PTPRO: variants seen among roughly 807,000 people sequenced by gnomAD.
The protein encoded by PTPRO is protein tyrosine phosphatase receptor type O, also known as receptor-type tyrosine-protein phosphatase O.
A neutral mutation model predicts 145.2 loss-of-function variants in PTPRO; 62 were observed. The ratio of observed to expected loss-of-function variants is 0.43; its 90% CI spans 0.35 to 0.53. The LOEUF (loss-of-function observed/expected upper bound fraction) is 0.53. Among genes scored for constraint, PTPRO ranks in the 20% least tolerant of loss-of-function variants. The pLI, the probability that PTPRO is intolerant of heterozygous loss-of-function variation, is 0.01. For missense variants in PTPRO, 1,345 were observed against 1,482.7 expected (o/e 0.91, Z 1.53); for synonymous variants, 565 against 514.7 (o/e 1.10, Z -1.32).
At chr12:15,452,246 G>T (rs565180056) in intron 1 of PTPRO, among the ~76,000 whole-genome samples, 1 of 152,226 alleles carries the variant, frequency 6.6e-6, no homozygotes, top group African/African-American at 2.4e-5. Context: ...AAACCTGGAG[G>T]AGATGGATAA....
At chr12:15,351,476 C>T (rs1043253997) in intron 1 of PTPRO, among the ~76,000 whole-genome samples, 1 of 151,958 alleles carries the variant, frequency 6.6e-6, no homozygotes, top group East Asian at 1.9e-4. Flanking sequence ...GGAGAGACAA[C>T]CAGCATATGA....
At chr12:15,416,008 T>C (rs913615158) in intron 1 of PTPRO, among the ~76,000 whole-genome samples, 4 of 151,872 alleles carry the variant, frequency 2.6e-5, no homozygotes, top group Admixed American at 2.6e-4. Context: ...TTAGATAACT[T>C]AGAATGGGAC....
In PTPRO at chr12:15,551,636, C is replaced by G; in HGVS notation, c.2523C>G (p.Leu841=). The G allele has an allele frequency of 6.2e-7, 1 of 1,613,640 alleles. No homozygotes were observed. The highest frequency in any genetic ancestry group is 8.5e-7 in the Non-Finnish European group (1 of 1,179,716). The change falls in exon 15 of 27, where the codon CTC becomes CTG. Residue 841 remains leucine, a synonymous_variant. Transcript: ENST00000281171. ...TAATTGGACTGTTGCTTGTTACCCT[C>G]ATTATTCTTAGGAAAAAGCATCTGC... ...TLLIGLLLVT[L]IILRKKHLQM...
At chr12:15,574,328 T>A (rs1033832627) in intron 19 of PTPRO, among the ~76,000 whole-genome samples, 2 of 152,238 alleles carry the variant, frequency 1.3e-5, no homozygotes, top group Admixed American at 1.3e-4. Flanking sequence ...CCTCATTTTT[T>A]ACATTTCACA....
chr12:15,484,651 G>C (rs1178251424), intron 2 of PTPRO, among the ~76,000 whole-genome samples: 1 of 151,934 alleles, frequency 6.6e-6, no homozygotes, highest in Non-Finnish European at 1.5e-5. Context: ...TATTTAACCT[G>C]CTCAAATTCA....
chr12:15,453,937 C>T (rs1470188138), intron 1 of PTPRO, among the ~76,000 whole-genome samples: 1 of 152,124 alleles, frequency 6.6e-6, no homozygotes, highest in Non-Finnish European at 1.5e-5. Flanking sequence ...AATAATAACC[C>T]ATTATATGCA....
At chr12:15,461,275 G>A (rs976728141) in intron 1 of PTPRO, among the ~76,000 whole-genome samples, 2 of 152,076 alleles carry the variant, frequency 1.3e-5, no homozygotes, top group African/African-American at 2.4e-5. Flanking sequence ...CTGTAAGCTG[G>A]AAGCACAAGC....
At chr12:15,348,196 T>C (rs1334484057) in intron 1 of PTPRO, 3 of 152,204 alleles carry the variant, frequency 2.0e-5, no homozygotes, top group Non-Finnish European at 4.4e-5. Context: ...TCCAATCACC[T>C]AGTTCCTTAA....
chr12:15,437,803 A>G (rs868019141), intron 1 of PTPRO, among the ~76,000 whole-genome samples: 17 of 152,200 alleles, frequency 1.1e-4, no homozygotes, highest in Admixed American at 3.9e-4. Context: ...GGTGCCTGGT[A>G]GCCACCCACT....
At chr12:15,430,922 T>C (rs1187432547) in intron 1 of PTPRO, among the ~76,000 whole-genome samples, 2 of 152,212 alleles carry the variant, frequency 1.3e-5, no homozygotes, top group Non-Finnish European at 2.9e-5. Context: ...GAAATAATGC[T>C]AAAGAAGACT....
At chr12:15,483,326 GT>G (rs1041017506) in intron 1 of PTPRO, among the ~76,000 whole-genome samples, 3 of 152,104 alleles carry the variant, frequency 2.0e-5, no homozygotes, top group African/African-American at 7.2e-5. Context: ...TTGGAGCAAA[GT>G]TTTTAAAAAG....
chr12:15,574,033 T>C (rs971253282), intron 19 of PTPRO, among the ~76,000 whole-genome samples: 4 of 152,238 alleles, frequency 2.6e-5, no homozygotes, highest in African/African-American at 9.6e-5. Flanking sequence ...TGCCTAGTAT[T>C]TGTATTCATT....
At chr12:15,479,580 C>T (rs1941734531) in intron 1 of PTPRO, among the ~76,000 whole-genome samples, 1 of 152,162 alleles carries the variant, frequency 6.6e-6, no homozygotes, top group Non-Finnish European at 1.5e-5. Flanking sequence ...GGGCAAAGCC[C>T]ATCTCATCTC....
chr12:15,508,064 G>C (rs1942359233), intron 6 of PTPRO, among the ~76,000 whole-genome samples: 1 of 152,122 alleles, frequency 6.6e-6, no homozygotes, highest in African/African-American at 2.4e-5. Flanking sequence ...TTCTTTAATT[G>C]AGCCAGCCTG....
intron 1 of PTPRO, among the ~76,000 whole-genome samples, chr12:15,438,850 C>T (rs1226724714): frequency 6.6e-6 from 1 of 152,122 alleles, no homozygotes; most frequent in African/African-American, 2.4e-5. Context: ...ACAAGACATT[C>T]AGAGAATACC....
chr12:15,381,623 G>T (rs1195056081), intron 1 of PTPRO, among the ~76,000 whole-genome samples: 1 of 152,066 alleles, frequency 6.6e-6, no homozygotes, highest in Non-Finnish European at 1.5e-5. Flanking sequence ...CAGCTTTATG[G>T]TGGAAAGGGA....
intron 12 of PTPRO, among the ~76,000 whole-genome samples, chr12:15,535,577 C>T (rs1943050694): frequency 2.0e-5 from 3 of 152,208 alleles, no homozygotes. Flanking sequence ...GTGCTATGTC[C>T]TCATTTGAAC....
At chr12:15,361,675 TA>T (rs1223248383) in intron 1 of PTPRO, among the ~76,000 whole-genome samples, 1 of 152,142 alleles carries the variant, frequency 6.6e-6, no homozygotes, top group Non-Finnish European at 1.5e-5. Context: ...GCAGAATGAC[TA>T]AATGAATGAA....
chr12:15,383,294 G>A (rs941480821), intron 1 of PTPRO, among the ~76,000 whole-genome samples: 1 of 152,122 alleles, frequency 6.6e-6, no homozygotes, highest in Non-Finnish European at 1.5e-5. Flanking sequence ...ACAAATGGCA[G>A]AACTTTCTTC....
Sources: gnomAD v4.1 joint callset for allele counts (sites outside exome capture counted in the v4.1 genomes callset) on GRCh38, gnomAD v4.1.1 for gene constraint, MANE v1.5 for transcripts, NCBI Gene and HGNC (gene_info 2026-07-23, HGNC 2026-07-21) for gene names.